The following RPN2 variants were observed in gnomAD, a reference collection of about 807,000 sequenced individuals.
RPN2 encodes the protein dolichyl-diphosphooligosaccharide--protein glycosyltransferase subunit 2.
In RPN2, 29 loss-of-function variants were observed where a neutral mutation model predicts 71.4. The ratio of observed to expected loss-of-function variants is 0.41; its 90% CI spans 0.30 to 0.55. RPN2 has a LOEUF of 0.55. Ranked by LOEUF, RPN2 falls within the 20% of genes least tolerant of loss-of-function variation. The pLI is 0.35. For missense variants in RPN2, 726 were observed against 774.1 expected (o/e 0.94, Z 0.74); for synonymous variants, 308 against 305.0 (o/e 1.01, Z -0.10).
At chr20:37,220,386 A>G (rs968852890) in intron 9 of RPN2, among the ~76,000 whole-genome samples, 15 of 152,220 alleles carry the variant, frequency 9.9e-5, no homozygotes, top group Admixed American at 4.6e-4. Context: ...AAGTCCTGTA[A>G]TAGCCCTCAT....
chr20:37,238,387 TCTTTC>T (rs767156509), intron 16 of RPN2: 1 of 1,603,768 alleles, frequency 6.2e-7, no homozygotes, highest in Non-Finnish European at 8.5e-7. Flanking sequence ...TCTCAAACCC[TCTTTC>T]CTTTGGCAGG....
At chr20:37,229,629 T>G (rs1206907167) in intron 12 of RPN2, among the ~76,000 whole-genome samples, 1 of 152,162 alleles carries the variant, frequency 6.6e-6, no homozygotes, top group African/African-American at 2.4e-5. Flanking sequence ...TTTCTCTCTT[T>G]TTCAAATGTG....
In RPN2 at chr20:37,179,348, C is replaced by T; in HGVS notation, c.-9C>T. 1 of 999,560 alleles carries T rather than the reference C, an allele frequency of 1.0e-6. No individual in the cohort carries two copies. The allele number at this position is 999,560 out of a possible 1,614,324, so 61.9% of individuals were successfully genotyped here. A position where few individuals can be genotyped will look rare whatever the true frequency, so the allele number is the denominator to read the frequency against. ...GCGGCTCGGACTCCGGCGGGACCTG[C>T]TCGGAGGAATGGCGCCGCCGGGTGA... On this transcript the variant is annotated 5_prime_UTR_variant, in exon 1 of 17. Coordinates refer to ENST00000237530, the MANE Select transcript of RPN2 (RefSeq NM_002951.5).
chr20:37,230,243 G>A (rs1047939964), intron 13 of RPN2, among the ~76,000 whole-genome samples, 184 bp downstream of exon 13: 6 of 152,196 alleles, frequency 3.9e-5, no homozygotes, highest in Admixed American at 6.5e-5. Context: ...TAAAGAGTCC[G>A]GTGACTAACC....
intron 5 of RPN2, among the ~76,000 whole-genome samples, chr20:37,204,566 T>C (rs968943477): frequency 3.3e-5 from 5 of 152,296 alleles, no homozygotes; most frequent in Admixed American, 3.3e-4. Flanking sequence ...CTGCAGAAGA[T>C]AGTGCTCTCC....
chr20:37,214,331 A>G lies in RPN2; in HGVS notation c.1092+466A>G, dbSNP rs568274048. Among the ~76,000 whole-genome samples, 3 of 152,332 alleles carry G rather than the reference A, an allele frequency of 2.0e-5. No homozygotes were observed. The East Asian group carries it at 5.8e-4, about 29-fold the overall frequency. ...TAAAAGAAAATCAGTAATCTTTCAT[A>G]ATGAACTTTGTTGATGTTTAGCTAA... On this transcript the variant is annotated intron_variant, in intron 9 of 16. Coordinates refer to ENST00000237530, the MANE Select transcript of RPN2 (RefSeq NM_002951.5).
At chr20:37,191,688 A>G (rs1285229717) in intron 2 of RPN2, among the ~76,000 whole-genome samples, 2 of 152,182 alleles carry the variant, frequency 1.3e-5, no homozygotes, top group African/African-American at 4.8e-5. Flanking sequence ...CTGTCTCAAA[A>G]GAAAGAAAGA....
intron 13 of RPN2, among the ~76,000 whole-genome samples, chr20:37,232,047 A>G (rs1411206444): frequency 1.3e-5 from 2 of 152,118 alleles, no homozygotes; most frequent in Admixed American, 1.3e-4. Context: ...GAGTCTTTGA[A>G]GGGAATAAAG....
rs527411505 is a variant in RPN2, at chr20:37,195,149, C to T, written c.208-3248C>T. On this transcript the variant is annotated intron_variant, in intron 2 of 16. Transcript: ENST00000237530. ...TTCAGTCGGGAAGATGAGTCTAGAA[C>T]GTTGGAGGGCAGCTGGAGTCAGAGT... Among the ~76,000 whole-genome samples, 11 of 152,220 alleles carry T rather than the reference C, an allele frequency of 7.2e-5. No individual in the cohort carries two copies. In the East Asian group the frequency reaches 1.7e-3, roughly 24 times the overall value.
At chr20:37,185,037 G>C (rs888959392) in intron 2 of RPN2, among the ~76,000 whole-genome samples, 1 of 151,998 alleles carries the variant, frequency 6.6e-6, no homozygotes, top group Non-Finnish European at 1.5e-5. Context: ...GCACTCACAT[G>C]TATTAAATAA....
Position 37,236,664 on chromosome 20 carries a change from C to T in RPN2, c.1838C>T (p.Thr613Met), listed in dbSNP as rs553588511. 1.2e-5 allele frequency: 19 copies of T among 1,614,094 alleles called. No homozygotes were observed. The highest frequency in any genetic ancestry group is 3.3e-5 in the Admixed American group (2 of 60,016). Residue 613 changes from threonine (T) to methionine (M), a missense_variant, in exon 16 of 17, where the codon ACG (threonine) becomes ATG (methionine). Physicochemically the swap from Thr to Met is moderately conservative, Grantham distance 81 (BLOSUM62 -1). Coordinates refer to ENST00000237530, the MANE Select transcript of RPN2 (RefSeq NM_002951.5). ...LKYLAILGSV[T>M]FLAGNRMLAQ... is the part of the protein sequence containing the mutation. The stretch of plus-strand genomic sequence containing the variant: ...TACCTGGCCATCCTGGGCAGTGTGA[C>T]GTTTCTGGCTGGCAATCGGATGCTG...
chr20:37,220,709 C>T (rs563390295), intron 9 of RPN2, among the ~76,000 whole-genome samples: 1 of 152,270 alleles, frequency 6.6e-6, no homozygotes, highest in East Asian at 1.9e-4. Context: ...AGCTAATCAA[C>T]AGGGATCCTA....
chr20:37,202,055 A>G (rs1176726643), intron 4 of RPN2, among the ~76,000 whole-genome samples: 3 of 152,258 alleles, frequency 2.0e-5, no homozygotes, highest in African/African-American at 7.2e-5. Flanking sequence ...AGCCAGTGAC[A>G]AAACTTTCTA....
At chr20:37,231,929 G>A (rs1479622752) in intron 13 of RPN2, among the ~76,000 whole-genome samples, 3 of 152,154 alleles carry the variant, frequency 2.0e-5, no homozygotes, top group African/African-American at 4.8e-5. Flanking sequence ...CGAGTCCAGC[G>A]TCCTGCCTCA....
intron 16 of RPN2, among the ~76,000 whole-genome samples, chr20:37,237,869 C>G (rs1170056341): frequency 6.6e-6 from 1 of 152,140 alleles, no homozygotes; most frequent in East Asian, 1.9e-4. Context: ...CTGCTAAGTT[C>G]TCTCTTTTCT....
intron 16 of RPN2, chr20:37,238,431 C>T: frequency 6.2e-7 from 1 of 1,609,022 alleles, no homozygotes; most frequent in Non-Finnish European, 8.5e-7. Flanking sequence ...AGTAGATTGG[C>T]AAAATATAGG....
intron 2 of RPN2, among the ~76,000 whole-genome samples, chr20:37,191,653 AG>A (rs758861021): frequency 5.9e-5 from 9 of 151,516 alleles, no homozygotes; most frequent in Admixed American, 2.6e-4. Context: ...CTGTAGTCCC[AG>A]CTACTTTTTT....
At chr20:37,211,466 C>T (rs1267103015) in intron 8 of RPN2, among the ~76,000 whole-genome samples, 2 of 150,924 alleles carry the variant, frequency 1.3e-5, no homozygotes, top group African/African-American at 2.4e-5. Context: ...TGGCGAAACC[C>T]CATCTCTACT....
chr20:37,191,376 C>G (rs926986801), intron 2 of RPN2, among the ~76,000 whole-genome samples: 1 of 147,604 alleles, frequency 6.8e-6, no homozygotes, highest in African/African-American at 2.5e-5. Context: ...CTCGGGAGGC[C>G]GAGGCAGGAG....
Sources: gnomAD v4.1 joint callset for allele counts (sites outside exome capture counted in the v4.1 genomes callset) on GRCh38, gnomAD v4.1.1 for gene constraint, MANE v1.5 for transcripts, NCBI Gene and HGNC (gene_info 2026-07-23, HGNC 2026-07-21) for gene names.